The following ILRUN variants were observed in gnomAD, a reference collection of about 807,000 sequenced individuals.
ILRUN encodes protein ILRUN.
A neutral mutation model predicts 33.8 loss-of-function variants in ILRUN; 3 were observed. That is an observed-to-expected ratio of 0.09 (90% CI 0.04 to 0.23). The LOEUF (loss-of-function observed/expected upper bound fraction) is 0.23, where lower values mean the gene tolerates loss of function less well. ILRUN is among the 10% of genes least tolerant of loss of function. The pLI, the probability that ILRUN is intolerant of heterozygous loss-of-function variation, is 1.00. For synonymous variants in ILRUN, 124 were observed against 138.9 expected, an observed-to-expected ratio of 0.89 and a Z score of 0.75; for missense variants, 210 against 375.1, an observed-to-expected ratio of 0.56 and a Z score of 3.64.
chr6:34,622,143 TC>T (rs1383629323), intron 3 of ILRUN, among the ~76,000 whole-genome samples: 1 of 151,956 alleles, frequency 6.6e-6, no homozygotes, highest in Non-Finnish European at 1.5e-5. Context: ...ACTATAAAAC[TC>T]CTAGAAAAAA....
chr6:34,690,588 A>C (rs1420209158), intron 1 of ILRUN, among the ~76,000 whole-genome samples: 1 of 152,120 alleles, frequency 6.6e-6, no homozygotes, highest in African/African-American at 2.4e-5. Flanking sequence ...TTTCCCATCA[A>C]AAAAAAGCCA....
At chr6:34,630,805 G>T (rs1762230025) in intron 3 of ILRUN, among the ~76,000 whole-genome samples, 1 of 147,004 alleles carries the variant, frequency 6.8e-6, no homozygotes, top group Admixed American at 7.3e-5. Flanking sequence ...ACACATCACT[G>T]TACCTGGCTT....
At chr6:34,641,542 G>C (rs1037102741) in intron 3 of ILRUN, among the ~76,000 whole-genome samples, 11 of 152,150 alleles carry the variant, frequency 7.2e-5, no homozygotes, top group Admixed American at 2.6e-4. Context: ...AAGCCAAGGA[G>C]GCCCAGAATT....
At chr6:34,685,122 C>CGGT (rs1763486833) in intron 1 of ILRUN, among the ~76,000 whole-genome samples, 1 of 151,962 alleles carries the variant, frequency 6.6e-6, no homozygotes, top group South Asian at 2.1e-4. Context: ...CAAACTAAGG[C>CGGT]GGTGGCAGTG....
chr6:34,651,766 T>G (rs1386204970), intron 2 of ILRUN, among the ~76,000 whole-genome samples: 1 of 147,394 alleles, frequency 6.8e-6, no homozygotes, highest in Non-Finnish European at 1.5e-5. Flanking sequence ...TATATATATA[T>G]CTCACTGGTA....
chr6:34,617,330 A>T, intron 3 of ILRUN: 2 of 325,920 alleles, frequency 6.1e-6, no homozygotes. Context: ...TGAAAAAAAA[A>T]GTCAGTATTA....
chr6:34,683,485 T>TATAC (rs1763440494), intron 1 of ILRUN, among the ~76,000 whole-genome samples: 2 of 110,140 alleles, frequency 1.8e-5, no homozygotes, highest in Non-Finnish European at 3.5e-5. Flanking sequence ...CATATATATA[T>TATAC]ACATATATAT....
intron 4 of ILRUN, among the ~76,000 whole-genome samples, chr6:34,605,994 T>C (rs1347765174): frequency 6.6e-6 from 1 of 152,174 alleles, no homozygotes; most frequent in Admixed American, 6.5e-5. Context: ...TCAATTGGCA[T>C]AGAAGAAAAC....
intron 1 of ILRUN, among the ~76,000 whole-genome samples, chr6:34,656,778 T>TGA: frequency 6.6e-6 from 1 of 152,260 alleles, no homozygotes; most frequent in East Asian, 1.9e-4. Flanking sequence ...AGCAGGTACC[T>TGA]GAGGTCAAGC....
chr6:34,683,473 C>T (rs60521022), intron 1 of ILRUN, among the ~76,000 whole-genome samples: 54,797 of 94,608 alleles, frequency 0.58, 13,943 homozygotes, highest in South Asian at 0.6. Flanking sequence ...CATATATATA[C>T]ACATATATAT....
chr6:34,653,478 G>A (rs937685934), intron 2 of ILRUN, among the ~76,000 whole-genome samples: 3 of 152,026 alleles, frequency 2.0e-5, no homozygotes, highest in African/African-American at 7.2e-5. Flanking sequence ...CTCCCACCTC[G>A]GCCTCCCAAA....
At chr6:34,615,303 AC>A (rs1275710788) in intron 3 of ILRUN, among the ~76,000 whole-genome samples, 4 of 152,158 alleles carry the variant, frequency 2.6e-5, no homozygotes, top group African/African-American at 9.7e-5. Context: ...AACAGGTAAA[AC>A]TGCAACAGAG....
chr6:34,682,750 A>G (rs1763394663), intron 1 of ILRUN, among the ~76,000 whole-genome samples: 1 of 152,158 alleles, frequency 6.6e-6, no homozygotes, highest in Non-Finnish European at 1.5e-5. Flanking sequence ...CTGGGATTAC[A>G]GACATGAGCC....
rs535155041 is a variant in ILRUN at position 34,676,484 on chromosome 6, G to GCTAGCTAGCTAGCTAGCTAGCTAGA, written c.158+19961_158+19962insTCTAGCTAGCTAGCTAGCTAGCTAG. On this transcript the variant is annotated intron_variant, in intron 1 of 4. Coordinates refer to ENST00000374023, the MANE Select transcript of ILRUN (RefSeq NM_024294.4). ...GCTAGCTAGCTAGCTAGCTAGATAG[G>GCTAGCTAGCTAGCTAGCTAGCTAGA]TAGATATGCAAAGATAGAGAGAGAG... Among the ~76,000 whole-genome samples the GCTAGCTAGCTAGCTAGCTAGCTAGA allele has an allele frequency of 2.2e-3, 329 of 149,748 alleles. 2 individuals carry two copies. The highest frequency in any genetic ancestry group is 7.0e-3 in the African/African-American group (282 of 40,560).
At chr6:34,632,819 G>A (rs551616559) in intron 3 of ILRUN, among the ~76,000 whole-genome samples, 1 of 152,000 alleles carries the variant, frequency 6.6e-6, no homozygotes, top group African/African-American at 2.4e-5. Flanking sequence ...CACCACGCCC[G>A]GCCAGAGCAA....
chr6:34,630,579 G>C lies in ILRUN; in HGVS notation c.511+16022C>G, dbSNP rs550479596. Reference sequence around the variant, plus strand: ...TTGTATTTTTAATAGAGATGGGGTTGCACCATGTTGGCCAGGATGGCTTCG... The same window carrying C: ...TTGTATTTTTAATAGAGATGGGGTTCCACCATGTTGGCCAGGATGGCTTCG... On this transcript the variant is annotated intron_variant, in intron 3 of 4. Transcript: ENST00000374023. 2.0e-5 allele frequency among the ~76,000 whole-genome samples: 3 copies of C among 152,206 alleles called. No individual in the cohort carries two copies. The East Asian group carries it at 5.8e-4, about 29-fold the overall frequency.
At chr6:34,683,399 C>CATACATACATATAT (rs1554189798) in intron 1 of ILRUN, among the ~76,000 whole-genome samples, 2 of 111,154 alleles carry the variant, frequency 1.8e-5, no homozygotes, top group East Asian at 6.1e-4. Context: ...TATATATGCA[C>CATACATACATATAT]ATATATACAT....
At chr6:34,629,848 T>C (rs1762209321) in intron 3 of ILRUN, among the ~76,000 whole-genome samples, 1 of 152,192 alleles carries the variant, frequency 6.6e-6, no homozygotes, top group African/African-American at 2.4e-5. Context: ...GAGTCCTTCC[T>C]TATCCATGGA....
At chr6:34,642,042 G>A (rs139221192) in intron 3 of ILRUN, among the ~76,000 whole-genome samples, 2 of 152,270 alleles carry the variant, frequency 1.3e-5, no homozygotes, top group Non-Finnish European at 2.9e-5. Context: ...TATGAATTTT[G>A]CTAAAACTGA....
Sources: gnomAD v4.1 joint callset for allele counts (sites outside exome capture counted in the v4.1 genomes callset) on GRCh38, gnomAD v4.1.1 for gene constraint, MANE v1.5 for transcripts, NCBI Gene and HGNC (gene_info 2026-07-23, HGNC 2026-07-21) for gene names.